Variants in GPBP1L1 observed in about 807,000 individuals in gnomAD.
GPBP1L1 encodes the protein GC-rich promoter binding protein 1 like 1.
A neutral mutation model predicts 52.5 loss-of-function variants in GPBP1L1; 23 were observed. That is an observed-to-expected ratio of 0.44 (90% CI 0.32 to 0.62). The LOEUF is 0.62. Among genes scored for constraint, GPBP1L1 ranks in the 20% least tolerant of loss-of-function variants. GPBP1L1 has a pLI of 0.06. For synonymous variants in GPBP1L1, 243 were observed against 203.1 expected (o/e 1.20, Z -1.67); for missense variants, 596 against 579.3 (o/e 1.03, Z -0.30).
intron 2 of GPBP1L1, among the ~76,000 whole-genome samples, chr1:45,682,464 T>C (rs1440028902): frequency 6.6e-6 from 1 of 152,234 alleles, no homozygotes; most frequent in Non-Finnish European, 1.5e-5. Context: ...AAAGTGGTTT[T>C]TATCTTAGAA....
At chr1:45,636,014 T>C (rs923537205) in intron 8 of GPBP1L1, among the ~76,000 whole-genome samples, 1 of 152,228 alleles carries the variant, frequency 6.6e-6, no homozygotes, top group African/African-American at 2.4e-5. Flanking sequence ...TAAGTCAGTA[T>C]ACATTATCTT....
chr1:45,680,665 G>A (rs1245355932), intron 2 of GPBP1L1, among the ~76,000 whole-genome samples: 1 of 152,012 alleles, frequency 6.6e-6, no homozygotes, highest in Non-Finnish European at 1.5e-5. Context: ...GGACCTAGAT[G>A]GCTCTGTCAC....
At chr1:45,640,888 C>T (rs1557699122) in intron 7 of GPBP1L1, among the ~76,000 whole-genome samples, 6 of 152,046 alleles carry the variant, frequency 3.9e-5, no homozygotes, top group Non-Finnish European at 1.5e-5. Context: ...CATGGTGGTG[C>T]ACACCTGTGG....
intron 6 of GPBP1L1, among the ~76,000 whole-genome samples, chr1:45,644,422 ATAAGT>A (rs1569792295): frequency 6.6e-6 from 1 of 152,084 alleles, no homozygotes; most frequent in African/African-American, 2.4e-5. Flanking sequence ...AAACAAATGA[ATAAGT>A]TAATGGGTAA....
At chr1:45,649,687 A>AT (rs1403752036) in intron 6 of GPBP1L1, among the ~76,000 whole-genome samples, 1 of 152,156 alleles carries the variant, frequency 6.6e-6, no homozygotes, top group African/African-American at 2.4e-5. Context: ...TAATACTAAA[A>AT]TTTTCATACA....
At chr1:45,652,341 T>C (rs1009194668) in intron 6 of GPBP1L1, among the ~76,000 whole-genome samples, 1 of 152,206 alleles carries the variant, frequency 6.6e-6, no homozygotes, top group Admixed American at 6.5e-5. Flanking sequence ...AATGCACAAA[T>C]TGATAAAATA....
chr1:45,644,401 G>A (rs1444287209), intron 6 of GPBP1L1, among the ~76,000 whole-genome samples: 3 of 151,954 alleles, frequency 2.0e-5, no homozygotes, highest in African/African-American at 7.3e-5. Flanking sequence ...AATATAAACA[G>A]GAAAAATATA....
chr1:45,636,030 C>T (rs769444700), intron 8 of GPBP1L1, among the ~76,000 whole-genome samples: 2 of 152,114 alleles, frequency 1.3e-5, no homozygotes, highest in Non-Finnish European at 2.9e-5. Context: ...ATCTTTCACT[C>T]GTTCATTAAC....
intron 6 of GPBP1L1, among the ~76,000 whole-genome samples, chr1:45,643,818 C>T (rs946946115): frequency 2.0e-5 from 3 of 151,838 alleles, no homozygotes; most frequent in African/African-American, 7.2e-5. Context: ...TACAGGTGCG[C>T]ACCACCACAC....
At chr1:45,640,807 C>T (rs550630558) in intron 7 of GPBP1L1, among the ~76,000 whole-genome samples, 13 of 152,008 alleles carry the variant, frequency 8.6e-5, no homozygotes, top group African/African-American at 2.2e-4. Flanking sequence ...CCCAAGAGTT[C>T]GAGACCAGCC....
At chr1:45,666,547 A>T (rs944693760) in intron 2 of GPBP1L1, among the ~76,000 whole-genome samples, 1 of 152,214 alleles carries the variant, frequency 6.6e-6, no homozygotes, top group Non-Finnish European at 1.5e-5. Context: ...GTAAGGATTC[A>T]AAAGTTTAAT....
chr1:45,640,493 AC>A (rs1375684689), intron 7 of GPBP1L1, 90 bp from the exon 8 acceptor site: 1 of 1,004,738 alleles, frequency 1.0e-6, no homozygotes, highest in African/African-American at 1.6e-5. Flanking sequence ...AGTCAACAAA[AC>A]AGCTGACAGT....
chr1:45,642,280 A>C, intron 7 of GPBP1L1, 147 bp downstream of exon 7: 1 of 630,110 alleles, frequency 1.6e-6, no homozygotes, highest in Non-Finnish European at 2.8e-6. Context: ...AGGGGGCAGA[A>C]TAACCCGCTA....
At chr1:45,679,094 A>G (rs1339203814) in intron 2 of GPBP1L1, among the ~76,000 whole-genome samples, 1 of 152,238 alleles carries the variant, frequency 6.6e-6, no homozygotes, top group Non-Finnish European at 1.5e-5. Flanking sequence ...GAGAGTTTTA[A>G]TAAACCACTG....
intron 2 of GPBP1L1, among the ~76,000 whole-genome samples, chr1:45,674,469 C>T (rs756339151): frequency 4.6e-5 from 7 of 152,304 alleles, no homozygotes; most frequent in Middle Eastern, 3.4e-3. Flanking sequence ...ATTAACATAT[C>T]CTGATCTTCT....
In GPBP1L1 at chr1:45,640,281, TC is replaced by T. The variant is rs963594336; in HGVS notation, c.672del (p.Asn225ThrfsTer66). 6.2e-7 allele frequency: 1 copy of T among 1,614,050 alleles called. No individual in the cohort carries two copies. Among genetic ancestry groups the T allele is most frequent in the African/African-American group, 1.3e-5 (1 of 74,912 alleles). On this transcript the variant is annotated frameshift_variant, in exon 8 of 13. Coordinates refer to ENST00000355105, the MANE Select transcript of GPBP1L1 (RefSeq NM_021639.5). LOFTEE classifies it high-confidence loss of function. ...FTSPGSHHAN[G>X]NKLSSVVPSV... ...CTTGGAACCACGGATGACAATTTGT[TC>T]CCATTTGCATGGTGAGATCCTGGTG...
intron 2 of GPBP1L1, among the ~76,000 whole-genome samples, chr1:45,661,728 C>T (rs1232582216): frequency 6.6e-6 from 1 of 152,118 alleles, no homozygotes; most frequent in East Asian, 1.9e-4. Flanking sequence ...GCTGGGATTA[C>T]GTGAGTGACC....
At chr1:45,639,897 AAAAAT>A (rs1218400112) in intron 8 of GPBP1L1, among the ~76,000 whole-genome samples, 2 of 151,776 alleles carry the variant, frequency 1.3e-5, no homozygotes, top group Non-Finnish European at 2.9e-5. Context: ...AAACAAAACA[AAAAAT>A]AAAATAAATA....
At chr1:45,629,874 G>GT (rs1644507702) in intron 11 of GPBP1L1, among the ~76,000 whole-genome samples, 196 bp from the exon 12 acceptor site, 1 of 124,414 alleles carries the variant, frequency 8.0e-6, no homozygotes, top group Non-Finnish European at 2.0e-5. Context: ...CTTCACAGTT[G>GT]AGAGAGGAAG....
Sources: gnomAD v4.1 joint callset for allele counts (sites outside exome capture counted in the v4.1 genomes callset) on GRCh38, gnomAD v4.1.1 for gene constraint, MANE v1.5 for transcripts, NCBI Gene and HGNC (gene_info 2026-07-23, HGNC 2026-07-21) for gene names.